Variants in EXD2 observed in about 807,000 individuals in gnomAD.
EXD2 encodes the protein exonuclease 3'-5' domain containing 2.
In EXD2, 40 loss-of-function variants were observed where a neutral mutation model predicts 62.5. The observed-to-expected ratio is 0.64, with a 90% CI of 0.50 to 0.83. The LOEUF (loss-of-function observed/expected upper bound fraction) is 0.83. EXD2 is among the 40% of genes least tolerant of loss of function. The pLI, the probability that EXD2 is intolerant of heterozygous loss-of-function variation, is 0.00. For synonymous variants in EXD2, 239 were observed against 291.9 expected (o/e 0.82, Z 1.85); for missense variants, 671 against 761.8 (o/e 0.88, Z 1.40).
At chr14:69,237,013 G>T (rs1180690854) in intron 8 of EXD2, among the ~76,000 whole-genome samples, 2 of 152,186 alleles carry the variant, frequency 1.3e-5, no homozygotes, top group African/African-American at 4.8e-5. Context: ...CAGACACTTG[G>T]GCTTTCTCCC....
At chr14:69,209,123 C>T (rs2042718016) in intron 2 of EXD2, 1 of 162,864 alleles carries the variant, frequency 6.1e-6, no homozygotes, top group South Asian at 2.0e-4. Flanking sequence ...TCCTAGATCA[C>T]ACTTCATTGT....
At chr14:69,205,877 A>G (rs1461238753) in intron 2 of EXD2, among the ~76,000 whole-genome samples, 1 of 152,030 alleles carries the variant, frequency 6.6e-6, no homozygotes, top group Non-Finnish European at 1.5e-5. Context: ...CTTGAGCCAT[A>G]GAGAAGTGTA....
At chr14:69,228,185 C>CTTTTT (rs35695329) in intron 3 of EXD2, among the ~76,000 whole-genome samples, 3 of 80,514 alleles carry the variant, frequency 3.7e-5, no homozygotes, top group African/African-American at 5.3e-5. Flanking sequence ...TTTCCTTAGC[C>CTTTTT]TTTTTTTTTT....
chr14:69,210,176 A>C (rs548797623), intron 3 of EXD2: 1 of 167,918 alleles, frequency 6.0e-6, no homozygotes, highest in East Asian at 1.8e-4. Flanking sequence ...CCCATAAAGG[A>C]TTCAGCACAG....
chr14:69,230,613 A>C lies in EXD2; in HGVS notation c.717+15A>C. The C allele has an allele frequency of 2.5e-6, 4 of 1,586,686 alleles. No homozygotes were observed. Among genetic ancestry groups the C allele is most frequent in the Non-Finnish European group, 3.4e-6 (4 of 1,169,356 alleles). On this transcript the variant is annotated intron_variant, in intron 5 of 9. Transcript: ENST00000685843. ...CAGAGGACCAGGTACTTCTTATCAG[A>C]GTAGTTGAAGAATGGAAAGTCATTG... is the stretch of plus-strand genomic sequence containing the variant.
intron 3 of EXD2, 38 bp downstream of exon 3, chr14:69,209,841 A>C (rs1467693991): frequency 2.9e-6 from 4 of 1,379,724 alleles, no homozygotes; most frequent in Non-Finnish European, 3.8e-6. Flanking sequence ...AAAAAAAAAA[A>C]ACAACTTCTG....
At chr14:69,222,791 A>G (rs113972883) in intron 3 of EXD2, among the ~76,000 whole-genome samples, 2 of 152,164 alleles carry the variant, frequency 1.3e-5, no homozygotes, top group African/African-American at 4.8e-5. Context: ...TCTAGGGTCT[A>G]TCTTTCATTT....
At chr14:69,235,354 T>G (rs1248791103) in intron 6 of EXD2, among the ~76,000 whole-genome samples, 1 of 152,242 alleles carries the variant, frequency 6.6e-6, no homozygotes, top group Non-Finnish European at 1.5e-5. Context: ...ATAATTATCA[T>G]TCCTTCCTTG....
intron 9 of EXD2, among the ~76,000 whole-genome samples, chr14:69,239,663 A>G (rs2043917065): frequency 6.6e-6 from 1 of 152,256 alleles, no homozygotes; most frequent in African/African-American, 2.4e-5. Flanking sequence ...CAGGGTTTTA[A>G]AAGAATTATA....
In EXD2 at chr14:69,231,102, G is replaced by T. The variant is rs74349252; in HGVS notation, c.717+504G>T. ...GATTTTTTTTGAGCATTTACTATAT[G>T]TTGGGCATTTCAGAAAAAGGGATTT... On this transcript the variant is annotated intron_variant, in intron 5 of 9. Transcript: ENST00000685843. Among the ~76,000 whole-genome samples the T allele has an allele frequency of 4.0e-5, 6 of 151,694 alleles. No individual in the cohort carries two copies. The East Asian group carries it at 1.2e-3, about 29-fold the overall frequency.
rs746653694 is a variant in EXD2 at position 69,213,537 on chromosome 14, ATTTTTTTT to A, written c.333+3747_333+3754del. 6.7e-4 allele frequency among the ~76,000 whole-genome samples: 51 copies of A among 76,506 alleles called. No individual in the cohort carries two copies. In the East Asian group the frequency reaches 0.025, roughly 38 times the overall value. The allele number at this position is 76,506 out of a possible 152,430, so 50.2% of individuals were successfully genotyped here. On this transcript the variant is annotated intron_variant, in intron 3 of 9. Transcript: ENST00000685843. ...AGGCATGTGCCACTGCACCTGGATA[ATTTTTTTT>A]TTTTTTTTTTTTGTAGAAATGGGGT...
chr14:69,235,762 A>G (rs925825130), intron 6 of EXD2: 2 of 410,280 alleles, frequency 4.9e-6, no homozygotes, highest in Non-Finnish European at 9.0e-6. Flanking sequence ...TCTTTTTTGC[A>G]TTCACAGCAG....
intron 5 of EXD2, among the ~76,000 whole-genome samples, chr14:69,231,414 G>A (rs116455422): frequency 0.013 from 2,023 of 152,072 alleles, 42 homozygotes; most frequent in African/African-American, 0.047. Context: ...CCCTGTCCCC[G>A]GACAAATACT....
At chr14:69,212,228 T>G (rs1288714861) in intron 3 of EXD2, among the ~76,000 whole-genome samples, 2 of 151,908 alleles carry the variant, frequency 1.3e-5, no homozygotes, top group Admixed American at 6.6e-5. Flanking sequence ...AATACAAAAA[T>G]TAGCCAGGCG....
intron 5 of EXD2, among the ~76,000 whole-genome samples, chr14:69,231,715 C>T (rs534547664): frequency 2.6e-5 from 4 of 152,178 alleles, no homozygotes; most frequent in African/African-American, 9.6e-5. Flanking sequence ...CATCTGGCTC[C>T]TCCCAGGACG....
At chr14:69,191,915 A>T (rs1348260578) in intron 1 of EXD2, 1 of 152,028 alleles carries the variant, frequency 6.6e-6, no homozygotes, top group Non-Finnish European at 1.5e-5. Flanking sequence ...GGGAGACTCT[A>T]CCAGACCTTC....
In EXD2 at chr14:69,236,513, AGT is replaced by A; in HGVS notation, c.1269_1270del (p.Cys423TrpfsTer15). 1.2e-6 allele frequency: 2 copies of A among 1,614,140 alleles called. No individual in the cohort carries two copies. The highest frequency in any genetic ancestry group is 1.7e-6 in the Non-Finnish European group (2 of 1,180,016). The stretch of plus-strand genomic sequence containing the variant: ...TGATGGTTAAAGAGAACCTGTGTGT[AGT>A]GTGTGGCAAGAGAGACTCCTACATT... ...YLMVKENLCV[V>X]CGKRDSYIRK... On this transcript the variant is annotated frameshift_variant, in exon 8 of 10. Transcript: ENST00000685843. LOFTEE classifies it high-confidence loss of function.
In EXD2 at chr14:69,219,220, T is replaced by G. The variant is rs552173523; in HGVS notation, c.333+9417T>G. On this transcript the variant is annotated intron_variant, in intron 3 of 9. Coordinates refer to ENST00000685843, the MANE Select transcript of EXD2 (RefSeq NM_001193360.2). ...TTGTAGTTCTCCTTGAAGAGGTCCT[T>G]CACATCCCTTGTAAGTTGGATTCCT... 4.7e-3 allele frequency among the ~76,000 whole-genome samples: 712 copies of G among 152,326 alleles called. 1 individual carries two copies. Among genetic ancestry groups the G allele is most frequent in the African/African-American group, 0.014 (586 of 41,576 alleles).
chr14:69,209,407 TGCCA>T lies in EXD2; in HGVS notation c.-47-16_-47-13del. The T allele has an allele frequency of 7.7e-7, 1 of 1,302,636 alleles. No homozygotes were observed. Among genetic ancestry groups the T allele is most frequent in the Non-Finnish European group, 1.0e-6 (1 of 969,428 alleles). 80.7% of individuals were successfully genotyped at this position (1,302,636 alleles called of 1,614,324 possible). ...TATATTCTGTATATAAATATATTTT[TGCCA>T]TTTGTTTTGCAGATTGTGGGATTAG... On this transcript the variant is annotated splice_polypyrimidine_tract_variant and intron_variant, in intron 2 of 9. Coordinates refer to ENST00000685843, the MANE Select transcript of EXD2 (RefSeq NM_001193360.2).
Sources: gnomAD v4.1 joint callset for allele counts (sites outside exome capture counted in the v4.1 genomes callset) on GRCh38, gnomAD v4.1.1 for gene constraint, MANE v1.5 for transcripts, NCBI Gene and HGNC (gene_info 2026-07-23, HGNC 2026-07-21) for gene names.